Variants in PTGES3L observed in about 807,000 individuals in gnomAD.
PTGES3L encodes the protein putative protein PTGES3L.
Under a neutral mutation model 25.0 loss-of-function variants are expected in PTGES3L, and 17 were observed. The observed-to-expected ratio is 0.68, with a 90% CI of 0.47 to 1.02. The LOEUF (loss-of-function observed/expected upper bound fraction) is 1.02. Among genes scored for constraint, PTGES3L ranks in the 50% least tolerant of loss-of-function variants. The pLI is 0.00. For missense variants in PTGES3L, 202 were observed against 197.5 expected, an observed-to-expected ratio of 1.02 and a Z score of -0.14; for synonymous variants, 59 against 65.7, an observed-to-expected ratio of 0.90 and a Z score of 0.50.
chr17:42,970,247 G>A (rs1425456653), intron 6 of PTGES3L, 42 bp downstream of exon 6: 2 of 1,612,288 alleles, frequency 1.2e-6, no homozygotes, highest in East Asian at 2.2e-5. Context: ...GTTTTTAAGG[G>A]CTACAAAGAA....
intron 4 of PTGES3L, among the ~76,000 whole-genome samples, chr17:42,977,679 G>GAA (rs2049982701): frequency 1.5e-5 from 2 of 130,702 alleles, no homozygotes; most frequent in Non-Finnish European, 3.2e-5. Context: ...GAGAGAGAGA[G>GAA]AGAGAAAGAA....
At chr17:42,977,731 C>G (rs918642951) in intron 4 of PTGES3L, among the ~76,000 whole-genome samples, 1 of 151,578 alleles carries the variant, frequency 6.6e-6, no homozygotes, top group African/African-American at 2.4e-5. Context: ...GAATAAGACT[C>G]ATCAATTAAT....
At chr17:42,979,043 G>A in intron 4 of PTGES3L, 127 bp downstream of exon 4, 1 of 959,866 alleles carries the variant, frequency 1.0e-6, no homozygotes, top group African/African-American at 1.6e-5. Context: ...GACTAATACA[G>A]TTGGAAAAAA....
chr17:42,979,712 T>C (rs2151953745), intron 1 of PTGES3L, 49 bp from the exon 2 acceptor site: 1 of 1,591,528 alleles, frequency 6.3e-7, no homozygotes, highest in Non-Finnish European at 8.6e-7. Flanking sequence ...GAGGGAAGAC[T>C]GAGGTCATTT....
chr17:42,979,201 G>A lies in PTGES3L; in HGVS notation c.257C>T (p.Ala86Val). 1 of 1,614,124 alleles carries A rather than the reference G, an allele frequency of 6.2e-7. No homozygotes were observed. The highest frequency in any genetic ancestry group is 8.5e-7 in the Non-Finnish European group (1 of 1,180,022). The change falls in exon 4 of 7, where the codon GCC becomes GTC. Residue 86 changes from alanine (A) to valine (V), a missense_variant. Ala to Val is a moderately conservative substitution (Grantham distance 64). Transcript: ENST00000591916. ...ATCCTCCTTGGTAAGCCGCGGCCAG[G>A]CCACCTTTTCCTTCCATTTTCTCAC... ...CFVRKWKEKV[A>V]WPRLTKEDIK...
chr17:42,973,478 C>T (rs1337002867), intron 4 of PTGES3L, among the ~76,000 whole-genome samples: 1 of 151,904 alleles, frequency 6.6e-6, no homozygotes, highest in African/African-American at 2.4e-5. Context: ...TGGCCACCAC[C>T]CCGTCTGGGA....
intron 3 of PTGES3L, 39 bp downstream of exon 3, chr17:42,979,339 G>A (rs766117142): frequency 9.3e-6 from 15 of 1,613,990 alleles, no homozygotes; most frequent in African/African-American, 2.7e-5. Context: ...TGGGCAGCCC[G>A]GTTTCCATCC....
intron 4 of PTGES3L, among the ~76,000 whole-genome samples, chr17:42,977,681 G>GAAAGAAA (rs1427162113): frequency 1.7e-5 from 2 of 120,606 alleles, no homozygotes; most frequent in Non-Finnish European, 3.3e-5. Flanking sequence ...GAGAGAGAGA[G>GAAAGAAA]AGAAAGAAAG....
chr17:42,973,354 G>A (rs1476500578), intron 4 of PTGES3L, among the ~76,000 whole-genome samples: 8 of 18,592 alleles, frequency 4.3e-4, no homozygotes, highest in African/African-American at 5.7e-4. Flanking sequence ...CAGCCGCCCC[G>A]TCCGGGAGGG....
At chr17:42,975,202 G>A (rs1179339764) in intron 4 of PTGES3L, among the ~76,000 whole-genome samples, 1 of 151,188 alleles carries the variant, frequency 6.6e-6, no homozygotes, top group Non-Finnish European at 1.5e-5. Context: ...TGGGGAGGGA[G>A]ATATAAATAA....
intron 4 of PTGES3L, among the ~76,000 whole-genome samples, chr17:42,973,580 A>T (rs1489081300): frequency 2.6e-5 from 4 of 151,784 alleles, no homozygotes; most frequent in Non-Finnish European, 5.9e-5. Flanking sequence ...AAGATTGAGA[A>T]ATCGGATGGT....
chr17:42,972,764 T>C (rs375602729), intron 4 of PTGES3L, among the ~76,000 whole-genome samples: 18,639 of 127,002 alleles, frequency 0.15, 1,533 homozygotes, highest in African/African-American at 0.27. Context: ...AAGTGAGGAG[T>C]GTCTCTGCCT....
rs1180986174 is a variant in PTGES3L, at chr17:42,980,046, C to T, written c.8G>A (p.Arg3Gln). 6.5e-7 allele frequency: 1 copy of T among 1,550,234 alleles called. No individual in the cohort carries two copies. Among genetic ancestry groups the T allele is most frequent in the Non-Finnish European group, 8.7e-7 (1 of 1,146,522 alleles). MA[R>Q]QHARTLWYDR... ...GAGCACCGGAGCCGGAAACACTCAC[C>T]GTGCCATTGCGGCTCCCGCTCCAGG... The change falls in exon 1 of 7, where the codon CGG (arginine) becomes CAG (glutamine). Residue 3 changes from arginine to glutamine, a missense_variant and splice_region_variant. By Grantham distance (43) the Arg-to-Gln change is conservative (BLOSUM62 1). Coordinates refer to ENST00000591916, the MANE Select transcript of PTGES3L (RefSeq NM_001261430.2).
chr17:42,978,100 A>AAAAAAAC (rs377110391), intron 4 of PTGES3L, among the ~76,000 whole-genome samples: 6 of 142,352 alleles, frequency 4.2e-5, no homozygotes, highest in African/African-American at 7.8e-5. Flanking sequence ...AAAAAAAAAA[A>AAAAAAAC]CAGAAAGAAA....
At chr17:42,974,907 C>T (rs2049927479) in intron 4 of PTGES3L, among the ~76,000 whole-genome samples, 1 of 151,710 alleles carries the variant, frequency 6.6e-6, no homozygotes, top group Non-Finnish European at 1.5e-5. Flanking sequence ...GGCCAAGGCA[C>T]ATCAATTGCT....
In PTGES3L at chr17:42,979,397, T is replaced by C; in HGVS notation, c.170A>G (p.Tyr57Cys). 1 of 1,614,128 alleles carries C rather than the reference T, an allele frequency of 6.2e-7. No individual in the cohort carries two copies. Among genetic ancestry groups the C allele is most frequent in the South Asian group, 1.1e-5 (1 of 91,078 alleles). The change falls in exon 3 of 7, where the codon TAT becomes TGT. Residue 57 changes from tyrosine to cysteine, a missense_variant. By Grantham distance (194) the Tyr-to-Cys change is radical. Coordinates refer to ENST00000591916, the MANE Select transcript of PTGES3L (RefSeq NM_001261430.2). ...GVELYNEIEF[Y>C]AKVNSKDSQD... ...CCTTACCTTGGAGTTCACTTTGGCA[T>C]AGAACTCAATCTCATTGTACAACTC...
rs191629631 is a variant in PTGES3L at position 42,968,277 on chromosome 17, T to C, written c.*871A>G. 1 of 152,196 alleles carries C rather than the reference T, an allele frequency of 6.6e-6. No individual in the cohort carries two copies. The highest frequency in any genetic ancestry group is 6.6e-5 in the Admixed American group (1 of 15,250). The allele number at this position is 152,196 out of a possible 1,614,324, so 9.4% of individuals were successfully genotyped here. On this transcript the variant is annotated 3_prime_UTR_variant, in exon 7 of 7. Coordinates refer to ENST00000591916, the MANE Select transcript of PTGES3L (RefSeq NM_001261430.2). ...CGGGTGTGGTGGCTCATACATGTAA[T>C]CCTAGCACTTTGGGAGGCTGAGGTG...
chr17:42,969,198 G>C lies in PTGES3L; in HGVS notation c.433-12C>G. The C allele has an allele frequency of 2.1e-6, 3 of 1,403,814 alleles. No homozygotes were observed. The highest frequency in any genetic ancestry group is 2.5e-5 in the East Asian group (1 of 39,664). 87.0% of individuals were successfully genotyped at this position (1,403,814 alleles called of 1,614,324 possible). ...CTGTCAGAATCATCCTGGGGGCGGG[G>C]GGGAAAAAAGACAAAGCACCTGTAG... is the stretch of plus-strand genomic sequence containing the variant. On this transcript the variant is annotated splice_polypyrimidine_tract_variant and intron_variant, in intron 6 of 6. Transcript: ENST00000591916.
intron 4 of PTGES3L, among the ~76,000 whole-genome samples, chr17:42,977,864 TGGTCA>T (rs2049988080): frequency 6.6e-6 from 1 of 151,226 alleles, no homozygotes; most frequent in Non-Finnish European, 1.5e-5. Flanking sequence ...GGATCACCTG[TGGTCA>T]GGAGTTTGAG....
Sources: allele counts gnomAD v4.1 joint callset (sites outside exome capture counted in the v4.1 genomes callset), GRCh38; gene constraint gnomAD v4.1.1; transcripts MANE v1.5; gene names NCBI Gene and HGNC (gene_info 2026-07-23, HGNC 2026-07-21).